The following TSHR variants were observed in gnomAD, a reference collection of about 807,000 sequenced individuals.
The protein encoded by TSHR is thyrotropin receptor.
A neutral mutation model predicts 64.1 loss-of-function variants in TSHR; 51 were observed. That is an observed-to-expected ratio of 0.80 (90% CI 0.64 to 1.01). The LOEUF (loss-of-function observed/expected upper bound fraction) is 1.01. Among genes scored for constraint, TSHR ranks in the 50% least tolerant of loss-of-function variants. The pLI is 0.00. For synonymous variants in TSHR, 361 were observed against 361.9 expected (o/e 1.00, Z 0.03); for missense variants, 877 against 942.8 (o/e 0.93, Z 0.91).
At chr14:81,120,809 T>C (rs1026065032) in intron 8 of TSHR, among the ~76,000 whole-genome samples, 1 of 152,162 alleles carries the variant, frequency 6.6e-6, no homozygotes, top group African/African-American at 2.4e-5. Context: ...AAAACTTTCA[T>C]GAAAGTTATA....
intron 1 of TSHR, chr14:80,982,628 G>T (rs941008961): frequency 6.4e-6 from 7 of 1,094,778 alleles, no homozygotes; most frequent in Non-Finnish European, 8.6e-6. Context: ...TAGGCCCAAG[G>T]ACTGGTCTGA....
At chr14:81,017,484 G>A (rs531268936) in intron 1 of TSHR, among the ~76,000 whole-genome samples, 32 of 152,206 alleles carry the variant, frequency 2.1e-4, no homozygotes, top group African/African-American at 6.7e-4. Context: ...ATGTCAATCC[G>A]CCTGGCACTT....
chr14:80,983,429 CA>C, intron 1 of TSHR: 2 of 1,256,410 alleles, frequency 1.6e-6, no homozygotes, highest in Non-Finnish European at 2.2e-6. Context: ...CAACTGCAGC[CA>C]GAGACATGAT....
chr14:81,059,438 C>A (rs1467862603), intron 1 of TSHR, among the ~76,000 whole-genome samples: 10 of 151,996 alleles, frequency 6.6e-5, no homozygotes, highest in Non-Finnish European at 1.2e-4. Flanking sequence ...TTAGATTATG[C>A]GCACATTACT....
intron 1 of TSHR, among the ~76,000 whole-genome samples, chr14:81,026,725 A>G (rs1315108369): frequency 6.6e-6 from 1 of 152,128 alleles, no homozygotes; most frequent in Non-Finnish European, 1.5e-5. Flanking sequence ...AAAGAGCAAA[A>G]TAAAAACATC....
At chr14:81,106,245 A>C (rs944991665) in intron 7 of TSHR, among the ~76,000 whole-genome samples, 5 of 152,248 alleles carry the variant, frequency 3.3e-5, no homozygotes, top group Non-Finnish European at 5.9e-5. Flanking sequence ...TTTGTAAACC[A>C]GATGCCTCAA....
chr14:81,057,271 T>G (rs377126054), intron 1 of TSHR, among the ~76,000 whole-genome samples: 36 of 151,748 alleles, frequency 2.4e-4, no homozygotes, highest in African/African-American at 7.3e-4. Flanking sequence ...ATTAGCTGGG[T>G]GTGGTGGTGG....
intron 8 of TSHR, among the ~76,000 whole-genome samples, chr14:81,110,084 G>A (rs908343441): frequency 2.6e-5 from 4 of 152,038 alleles, no homozygotes; most frequent in African/African-American, 9.7e-5. Context: ...CATATTATGC[G>A]ATTTTCCTGA....
At chr14:81,058,746 C>G (rs1049714755) in intron 1 of TSHR, among the ~76,000 whole-genome samples, 1 of 152,106 alleles carries the variant, frequency 6.6e-6, no homozygotes, top group Non-Finnish European at 1.5e-5. Flanking sequence ...TAGATGTGTA[C>G]TTTGCCTTTT....
chr14:81,068,171 A>G (rs1044595748), intron 2 of TSHR, 83 bp from the exon 3 acceptor site: 274 of 1,371,186 alleles, frequency 2.0e-4, no homozygotes, highest in Non-Finnish European at 2.8e-4. Flanking sequence ...AGCGCATAAC[A>G]AAAAGTTATG....
chr14:81,010,478 TTTTG>T (rs1889845000), intron 1 of TSHR, among the ~76,000 whole-genome samples: 1 of 151,932 alleles, frequency 6.6e-6, no homozygotes, highest in Non-Finnish European at 1.5e-5. Flanking sequence ...ATATTATAGT[TTTTG>T]TTTTTCTTTT....
chr14:81,025,042 C>T (rs1333322227), intron 1 of TSHR, among the ~76,000 whole-genome samples: 1 of 152,176 alleles, frequency 6.6e-6, no homozygotes, highest in Admixed American at 6.5e-5. Context: ...ACAAAAGCAA[C>T]AGGAGCTGGC....
chr14:81,101,673 C>T (rs1019777527), intron 7 of TSHR, among the ~76,000 whole-genome samples: 1 of 152,174 alleles, frequency 6.6e-6, no homozygotes, highest in Non-Finnish European at 1.5e-5. Context: ...CTGAACAGGA[C>T]GTCACCCCAA....
intron 1 of TSHR, among the ~76,000 whole-genome samples, chr14:81,010,606 C>A (rs1215477472): frequency 1.3e-5 from 2 of 152,034 alleles, no homozygotes; most frequent in Non-Finnish European, 2.9e-5. Flanking sequence ...AACTCTCTTG[C>A]TTTTCCCTAC....
chr14:81,064,950 G>A (rs1886505351), intron 2 of TSHR, among the ~76,000 whole-genome samples: 1 of 152,142 alleles, frequency 6.6e-6, no homozygotes, highest in South Asian at 2.1e-4. Flanking sequence ...TCATAACGAG[G>A]AAGTCATGTT....
Position 81,103,188 on chromosome 14 carries a change from A to C in TSHR, c.615-5187A>C. The C allele has an allele frequency of 3.0e-6, 3 of 985,454 alleles. No homozygotes were observed. The highest frequency in any genetic ancestry group is 3.6e-6 in the Non-Finnish European group (3 of 829,932). The allele number at this position is 985,454 out of a possible 1,614,324, so 61.0% of individuals were successfully genotyped here. A position where few individuals can be genotyped will look rare whatever the true frequency, so the allele number is the denominator to read the frequency against. On this transcript the variant is annotated intron_variant, in intron 7 of 9. Transcript: ENST00000298171. This position sits in a 1 kb window ranked among gnomAD's most constrained non-coding sequence, Gnocchi z 4.1. ...AGGTCAAGGTTCCATGGTAATAATA[A>C]AATAGTATTCACATTGTGTTTTTAA... is the stretch of plus-strand genomic sequence containing the variant.
intron 3 of TSHR, among the ~76,000 whole-genome samples, chr14:81,070,625 C>CA (rs60958301): frequency 0.083 from 1,307 of 15,812 alleles, 298 homozygotes; most frequent in African/African-American, 0.13. Context: ...GATTCCATCT[C>CA]AAAAAAAAAA....
intron 1 of TSHR, chr14:80,982,735 GC>G: frequency 1.3e-6 from 1 of 777,856 alleles, no homozygotes. Flanking sequence ...TATTGTTTTG[GC>G]CTCAGCTGAA....
At chr14:81,086,020 G>T (rs1888260698) in intron 3 of TSHR, among the ~76,000 whole-genome samples, 1 of 152,194 alleles carries the variant, frequency 6.6e-6, no homozygotes, top group Non-Finnish European at 1.5e-5. Context: ...ATGAAAGATT[G>T]TATAAAGAGG....
Sources: gnomAD v4.1 joint callset for allele counts (sites outside exome capture counted in the v4.1 genomes callset) on GRCh38, gnomAD v4.1.1 for gene constraint, Gnocchi (gnomAD v3.1) non-coding constraint, MANE v1.5 for transcripts, NCBI Gene and HGNC (gene_info 2026-07-23, HGNC 2026-07-21) for gene names.